Variants in DGKB observed in about 807,000 individuals in gnomAD.
The protein encoded by DGKB is 90 kDa diacylglycerol kinase.
DGKB carries 67 observed loss-of-function variants against 114.3 expected under a neutral mutation model. The observed-to-expected ratio is 0.59, with a 90% CI of 0.48 to 0.72. The LOEUF (loss-of-function observed/expected upper bound fraction) is 0.72, where lower values mean the gene tolerates loss of function less well. Among genes scored for constraint, DGKB ranks in the 30% least tolerant of loss-of-function variants. DGKB has a pLI of 0.00. For synonymous variants in DGKB, 398 were observed against 323.1 expected (o/e 1.23, Z -2.49); for missense variants, 907 against 975.2 (o/e 0.93, Z 0.93).
At chr7:14,706,874 A>G (rs1241967597) in intron 6 of DGKB, among the ~76,000 whole-genome samples, 1 of 128,130 alleles carries the variant, frequency 7.8e-6, no homozygotes, top group African/African-American at 3.1e-5. Context: ...GGAAAGATCC[A>G]AAATTGACAG....
chr7:14,669,402 G>T (rs1408461759), intron 13 of DGKB, among the ~76,000 whole-genome samples: 1 of 152,050 alleles, frequency 6.6e-6, no homozygotes, highest in Non-Finnish European at 1.5e-5. Context: ...CAGTGCCTTT[G>T]AGATCTGTCA....
At chr7:14,766,026 G>GAATC (rs1203934184) in intron 2 of DGKB, among the ~76,000 whole-genome samples, 1 of 151,846 alleles carries the variant, frequency 6.6e-6, no homozygotes, top group Non-Finnish European at 1.5e-5. Flanking sequence ...AATAATTAAT[G>GAATC]AATCAATCTA....
intron 23 of DGKB, among the ~76,000 whole-genome samples, chr7:14,316,196 T>G (rs895666307): frequency 2.6e-5 from 4 of 151,996 alleles, no homozygotes; most frequent in Non-Finnish European, 4.4e-5. Context: ...GATCCAAAAC[T>G]GACACCCTAA....
intron 4 of DGKB, among the ~76,000 whole-genome samples, chr7:14,737,838 C>T (rs1192947533): frequency 6.7e-6 from 1 of 148,642 alleles, no homozygotes; most frequent in Admixed American, 6.8e-5. Flanking sequence ...AGGTTGCAGT[C>T]AGCTGAGATT....
chr7:14,392,684 A>G (rs1403067518), intron 21 of DGKB, among the ~76,000 whole-genome samples: 2 of 152,150 alleles, frequency 1.3e-5, no homozygotes, highest in Non-Finnish European at 2.9e-5. Context: ...CTAAACTCAG[A>G]AAGTGGAGAG....
chr7:14,953,299 T>A (rs375089445), intron 1 of DGKB, among the ~76,000 whole-genome samples: 3 of 152,218 alleles, frequency 2.0e-5, no homozygotes, highest in Admixed American at 6.5e-5. Context: ...TATTTGTAAA[T>A]TATTTACCTG....
intron 13 of DGKB, among the ~76,000 whole-genome samples, chr7:14,670,552 AC>A (rs1201926586): frequency 6.6e-6 from 1 of 151,718 alleles, no homozygotes; most frequent in East Asian, 1.9e-4. Context: ...TGATCCACCC[AC>A]CTCGACCCCC....
chr7:14,523,489 A>G (rs1355552010), intron 20 of DGKB, among the ~76,000 whole-genome samples: 1 of 152,162 alleles, frequency 6.6e-6, no homozygotes, highest in Non-Finnish European at 1.5e-5. Context: ...TCAACAGCCT[A>G]CAGTATAGTC....
At chr7:14,390,790 G>C (rs1009362265) in intron 21 of DGKB, among the ~76,000 whole-genome samples, 1 of 152,102 alleles carries the variant, frequency 6.6e-6, no homozygotes, top group African/African-American at 2.4e-5. Context: ...TATCACAACA[G>C]AATTAATAAA....
At chr7:14,582,326 T>G (rs1800051338) in intron 18 of DGKB, among the ~76,000 whole-genome samples, 2 of 152,160 alleles carry the variant, frequency 1.3e-5, no homozygotes, top group Admixed American at 6.6e-5. Context: ...TTTCCTGAAT[T>G]TATACTTTTT....
chr7:14,515,111 G>A (rs1365793133), intron 20 of DGKB, among the ~76,000 whole-genome samples: 2 of 152,178 alleles, frequency 1.3e-5, no homozygotes, highest in Admixed American at 6.5e-5. Context: ...GACGTTCTCT[G>A]AATAATGCAT....
chr7:14,877,285 G>T (rs1853442463), intron 1 of DGKB, among the ~76,000 whole-genome samples: 1 of 152,154 alleles, frequency 6.6e-6, no homozygotes. Context: ...GCCGGGTGTG[G>T]TGGCTCATGC....
chr7:14,418,902 A>G lies in DGKB; in HGVS notation c.1835+59259T>C, dbSNP rs1305149213. Among the ~76,000 whole-genome samples the G allele has an allele frequency of 3.3e-5, 5 of 152,088 alleles. No homozygotes were observed. The East Asian group carries it at 9.7e-4, about 29-fold the overall frequency. On this transcript the variant is annotated intron_variant, in intron 21 of 25. Coordinates refer to ENST00000402815, the MANE Select transcript of DGKB (RefSeq NM_001350709.2). ...CACAGAAGGCATTCAGTAAGGGTTAACTGAATCTGAAATCAGGAAATAAGG... is the reference window on the plus strand; with the variant it reads ...CACAGAAGGCATTCAGTAAGGGTTAGCTGAATCTGAAATCAGGAAATAAGG...
chr7:14,276,366 C>T (rs189312763), intron 23 of DGKB, among the ~76,000 whole-genome samples: 1 of 152,128 alleles, frequency 6.6e-6, no homozygotes, highest in Non-Finnish European at 1.5e-5. Flanking sequence ...AGTATTTTCT[C>T]AACCAATAAA....
intron 17 of DGKB, among the ~76,000 whole-genome samples, chr7:14,593,825 A>AG (rs1268879590): frequency 1.3e-5 from 2 of 151,518 alleles, no homozygotes; most frequent in Non-Finnish European, 2.9e-5. Context: ...CCAGTTAAAA[A>AG]AAGAAAAAAA....
intron 3 of DGKB, among the ~76,000 whole-genome samples, chr7:14,754,298 G>A (rs1834550043): frequency 6.6e-6 from 1 of 152,000 alleles, no homozygotes; most frequent in Non-Finnish European, 1.5e-5. Context: ...TATATAATAA[G>A]CAAACTGTTC....
Position 14,519,922 on chromosome 7 carries a change from G to A in DGKB, c.1771-41697C>T, listed in dbSNP as rs62443501. Among the ~76,000 whole-genome samples the A allele has an allele frequency of 5.4e-3, 815 of 151,848 alleles. 5 individuals carry two copies. Among genetic ancestry groups the A allele is most frequent in the Middle Eastern group, 0.017 (5 of 294 alleles). On this transcript the variant is annotated intron_variant, in intron 20 of 25. Coordinates refer to ENST00000402815, the MANE Select transcript of DGKB (RefSeq NM_001350709.2). ...ATTGTTTCTCATTATTATTATTGGAGAGAGATATTTATATAATCTGGGTTC... is the reference window on the plus strand; with the variant it reads ...ATTGTTTCTCATTATTATTATTGGAAAGAGATATTTATATAATCTGGGTTC...
chr7:14,790,363 C>T (rs996661805), intron 2 of DGKB, among the ~76,000 whole-genome samples: 2 of 152,012 alleles, frequency 1.3e-5, no homozygotes, highest in African/African-American at 4.8e-5. Context: ...AAATGTTTGC[C>T]TAGCGTTAGT....
chr7:14,784,743 T>C (rs1392913998), intron 2 of DGKB, among the ~76,000 whole-genome samples: 1 of 152,226 alleles, frequency 6.6e-6, no homozygotes, highest in Non-Finnish European at 1.5e-5. Context: ...TTATTACAAT[T>C]ACTTATGCAC....
Sources: gnomAD v4.1 joint callset for allele counts (sites outside exome capture counted in the v4.1 genomes callset) on GRCh38, gnomAD v4.1.1 for gene constraint, MANE v1.5 for transcripts, NCBI Gene and HGNC (gene_info 2026-07-23, HGNC 2026-07-21) for gene names.